The following AKAP13 variants were observed in gnomAD, a reference collection of about 807,000 sequenced individuals.
AKAP13 encodes the protein A-kinase anchor protein 13.
A neutral mutation model predicts 264.5 loss-of-function variants in AKAP13; 80 were observed. That is an observed-to-expected ratio of 0.30 (90% CI 0.25 to 0.36). The LOEUF is 0.36. AKAP13 is among the 10% of genes least tolerant of loss of function. The pLI, the probability that AKAP13 is intolerant of heterozygous loss-of-function variation, is 1.00. For missense variants in AKAP13, 3,712 were observed against 3,435.2 expected, an observed-to-expected ratio of 1.08 and a Z score of -2.01; for synonymous variants, 1,380 against 1,250.2, an observed-to-expected ratio of 1.10 and a Z score of -2.19.
In AKAP13 at chr15:85,747,242, C is replaced by T. The variant is rs540929881; in HGVS notation, c.*2565C>T. On this transcript the variant is annotated 3_prime_UTR_variant, in exon 37 of 37. Transcript: ENST00000394518. ...CATACCTTTGTCATCTCTCTTCCCCCCTTGGAAGTTGTCCTCAGGGGGATT... is the reference window on the plus strand; with the variant it reads ...CATACCTTTGTCATCTCTCTTCCCCTCTTGGAAGTTGTCCTCAGGGGGATT... 4 of 152,240 alleles carry T rather than the reference C, an allele frequency of 2.6e-5. No individual in the cohort carries two copies. Among genetic ancestry groups the T allele is most frequent in the Non-Finnish European group, 5.9e-5 (4 of 68,080 alleles). 9.4% of individuals were successfully genotyped at this position (152,240 alleles called of 1,614,324 possible). A position where few individuals can be genotyped will look rare whatever the true frequency, so the allele number is the denominator to read the frequency against.
intron 3 of AKAP13, among the ~76,000 whole-genome samples, chr15:85,526,299 G>A (rs1226376117): frequency 1.4e-4 from 21 of 151,328 alleles, no homozygotes. Context: ...TCACTCTTTT[G>A]TCCAGGCTGA....
At chr15:85,620,110 AG>A in intron 8 of AKAP13, 1 of 1,536,068 alleles carries the variant, frequency 6.5e-7, no homozygotes, top group Non-Finnish European at 8.7e-7. Flanking sequence ...ACGGCACAAG[AG>A]GCGCTACAGC....
intron 1 of AKAP13, among the ~76,000 whole-genome samples, chr15:85,411,598 C>T (rs1405234258): frequency 1.3e-5 from 2 of 152,214 alleles, no homozygotes; most frequent in Middle Eastern, 3.4e-3. Context: ...CCACCACGCC[C>T]GGCTAATTTT....
intron 1 of AKAP13, among the ~76,000 whole-genome samples, chr15:85,465,982 G>A (rs1282542066): frequency 6.6e-6 from 1 of 151,510 alleles, no homozygotes; most frequent in Non-Finnish European, 1.5e-5. Context: ...GTGTAAAAGT[G>A]TTCCTATTTC....
In AKAP13 at chr15:85,485,779, T is replaced by C. The variant is rs748324841; in HGVS notation, c.33+26T>C. The C allele has an allele frequency of 9.9e-6, 16 of 1,608,120 alleles. No homozygotes were observed. In the Admixed American group the frequency reaches 1.2e-4, roughly 12 times the overall value. On this transcript the variant is annotated intron_variant, in intron 2 of 36. Coordinates refer to ENST00000394518, the MANE Select transcript of AKAP13 (RefSeq NM_007200.5). The stretch of plus-strand genomic sequence containing the variant: ...GTGAGTAAATCATGAGATTTCTTAT[T>C]ATTTTGTGTTTATCTGTTCTGCTTA...
rs1315821331 is a variant in AKAP13, at chr15:85,740,772, A to ACC, written c.7609-273_7609-272dup. On this transcript the variant is annotated intron_variant, in intron 34 of 36. Coordinates refer to ENST00000394518, the MANE Select transcript of AKAP13 (RefSeq NM_007200.5). ...ACCCACACAGACACACACACACACA[A>ACC]CCACCCCCCCCCCCACCCCAGGTAA... Among the ~76,000 whole-genome samples, 54 of 42,936 alleles carry ACC rather than the reference A, an allele frequency of 1.3e-3. 1 individual carries two copies. The highest frequency in any genetic ancestry group is 4.1e-3 in the African/African-American group (46 of 11,214). The allele number at this position is 42,936 out of a possible 152,430, so 28.2% of individuals were successfully genotyped here.
intron 17 of AKAP13, 73 bp downstream of exon 17, chr15:85,693,524 T>C: frequency 6.3e-7 from 1 of 1,576,604 alleles, no homozygotes; most frequent in Non-Finnish European, 8.6e-7. Flanking sequence ...TTGTTTCCTG[T>C]CCCCACTCAT....
chr15:85,704,364 C>G lies in AKAP13; in HGVS notation c.5465-3655C>G, dbSNP rs1380896122. On this transcript the variant is annotated intron_variant, in intron 17 of 36. Coordinates refer to ENST00000394518, the MANE Select transcript of AKAP13 (RefSeq NM_007200.5). Reference sequence around the variant, plus strand: ...ATAAAGTTGATTTTCTTAAGTTAGCCTCGCTAATGGTTTGTTTTATTTTTC... The same window carrying G: ...ATAAAGTTGATTTTCTTAAGTTAGCGTCGCTAATGGTTTGTTTTATTTTTC... Among the ~76,000 whole-genome samples, 4 of 152,150 alleles carry G rather than the reference C, an allele frequency of 2.6e-5. No individual in the cohort carries two copies. The East Asian group carries it at 7.7e-4, about 29-fold the overall frequency.
intron 12 of AKAP13, among the ~76,000 whole-genome samples, chr15:85,659,069 A>G (rs779497207): frequency 1.3e-5 from 2 of 152,196 alleles, no homozygotes; most frequent in Non-Finnish European, 2.9e-5. Context: ...GCCACCTGGC[A>G]TTTTCCATTC....
chr15:85,702,989 T>A (rs558290972), intron 17 of AKAP13, among the ~76,000 whole-genome samples: 1 of 152,340 alleles, frequency 6.6e-6, no homozygotes, highest in African/African-American at 2.4e-5. Flanking sequence ...TTTAAACAGA[T>A]GTAAAATGAT....
intron 16 of AKAP13, chr15:85,691,747 G>A: frequency 4.4e-6 from 2 of 456,028 alleles, no homozygotes; most frequent in South Asian, 3.1e-5. Context: ...TGCTCAGTAA[G>A]TAGAAGCACC....
At chr15:85,624,720 G>C (rs953588377) in intron 8 of AKAP13, 1 of 152,244 alleles carries the variant, frequency 6.6e-6, no homozygotes, top group African/African-American at 2.4e-5. Flanking sequence ...GTAACCATGA[G>C]CTGTATTATT....
rs192680479 is a variant in AKAP13, at chr15:85,724,298, T to G, written c.6745+978T>G. On this transcript the variant is annotated intron_variant, in intron 26 of 36. Coordinates refer to ENST00000394518, the MANE Select transcript of AKAP13 (RefSeq NM_007200.5). The surrounding 1 kb of genome is among the most constrained non-coding windows in gnomAD (Gnocchi z 4.2). The stretch of plus-strand genomic sequence containing the variant: ...TAAAGCAGGACACCCTGCTTAGAAG[T>G]TGAAATCAAAATGAAGAGCCTTGGA... Among the ~76,000 whole-genome samples, 1 of 152,226 alleles carries G rather than the reference T, an allele frequency of 6.6e-6. No individual in the cohort carries two copies. The highest frequency in any genetic ancestry group is 6.5e-5 in the Admixed American group (1 of 15,294).
intron 17 of AKAP13, among the ~76,000 whole-genome samples, chr15:85,697,785 G>T (rs1009045296): frequency 5.9e-5 from 9 of 152,166 alleles, no homozygotes; most frequent in African/African-American, 1.9e-4. Context: ...CTACTCTGTT[G>T]TCTGCATTAG....
chr15:85,393,991 T>A (rs1372859225), intron 1 of AKAP13, among the ~76,000 whole-genome samples: 2 of 152,216 alleles, frequency 1.3e-5, no homozygotes, highest in Admixed American at 1.3e-4. Flanking sequence ...CCAATAGAAT[T>A]GTGGAACTGT....
rs756304435 is a variant in AKAP13 at position 85,579,966 on chromosome 15, A to G, written c.1898A>G (p.Gln633Arg). The part of the protein sequence containing the change: ...LGLEEDVMPH[Q>R]NSETNSSHAQ... ...CTGGAAGAAGATGTAATGCCACACC[A>G]GAACTCAGAAACAAATTCATCTCAT... Residue 633 changes from glutamine (Q) to arginine (R), a missense_variant, in exon 7 of 37, where the codon CAG (glutamine) becomes CGG (arginine). By Grantham distance (43) the Gln-to-Arg change is conservative. Coordinates refer to ENST00000394518, the MANE Select transcript of AKAP13 (RefSeq NM_007200.5). 1.7e-5 allele frequency: 28 copies of G among 1,614,116 alleles called. No individual in the cohort carries two copies. Among genetic ancestry groups the G allele is most frequent in the Non-Finnish European group, 2.1e-5 (25 of 1,180,044 alleles).
rs2087934068 is a variant in AKAP13, at chr15:85,730,681, C to G, written c.7256C>G (p.Pro2419Arg). ...SNTEEALKGG[P>R]LMKSAINEVE... ...ACAGAAGAGGCTCTCAAAGGAGGAC[C>G]TTTAATGAAAAGTGCAATAAATGAG... Residue 2419 changes from proline (P) to arginine (R), a missense_variant, in exon 30 of 37, where the codon CCT (proline) becomes CGT (arginine). Pro to Arg is a moderately radical substitution (Grantham distance 103, BLOSUM62 -2). Transcript: ENST00000394518. The G allele has an allele frequency of 6.2e-7, 1 of 1,613,782 alleles. No individual in the cohort carries two copies. Among genetic ancestry groups the G allele is most frequent in the Non-Finnish European group, 8.5e-7 (1 of 1,179,838 alleles).
intron 8 of AKAP13, among the ~76,000 whole-genome samples, chr15:85,621,937 A>G (rs1159034388): frequency 6.6e-6 from 1 of 152,218 alleles, no homozygotes; most frequent in Non-Finnish European, 1.5e-5. Flanking sequence ...CAGTGGAGAA[A>G]ACTTCACTTC....
rs369944508 is a variant in AKAP13 at position 85,655,467 on chromosome 15, C to T, written c.4425C>T (p.Thr1475=). 28 of 1,614,156 alleles carry T rather than the reference C, an allele frequency of 1.7e-5. No individual in the cohort carries two copies. Among genetic ancestry groups the T allele is most frequent in the African/African-American group, 1.1e-4 (8 of 75,044 alleles). ...ATATCACCGGATCCAGTTCATCCAC[C>T]GATGACACGGCTTCACTGGACCGAC... ...ACDITGSSSS[T]DDTASLDRHS... The change falls in exon 11 of 37, where the codon ACC becomes ACT. Residue 1475 remains threonine (T), a synonymous_variant. Coordinates refer to ENST00000394518, the MANE Select transcript of AKAP13 (RefSeq NM_007200.5).
Sources: allele counts gnomAD v4.1 joint callset (sites outside exome capture counted in the v4.1 genomes callset), GRCh38; gene constraint gnomAD v4.1.1; non-coding constraint Gnocchi (gnomAD v3.1); transcripts MANE v1.5; gene names NCBI Gene and HGNC (gene_info 2026-07-23, HGNC 2026-07-21).